UBE3C: variants seen among roughly 807,000 people sequenced by gnomAD.
UBE3C encodes ubiquitin protein ligase E3C.
UBE3C carries 42 observed loss-of-function variants against 129.4 expected under a neutral mutation model. That is an observed-to-expected ratio of 0.32 (90% CI 0.25 to 0.42). UBE3C has a LOEUF of 0.42. UBE3C is among the 10% of genes least tolerant of loss of function. The pLI is 1.00. For missense variants in UBE3C, 1,049 were observed against 1,319.1 expected (o/e 0.80, Z 3.17); for synonymous variants, 510 against 492.4 (o/e 1.04, Z -0.47).
Position 157,140,482 on chromosome 7 carries a change from G to A in UBE3C, c.66+1144G>A, listed in dbSNP as rs537106972. 1.8e-4 allele frequency among the ~76,000 whole-genome samples: 27 copies of A among 152,308 alleles called. 1 individual carries two copies. In the South Asian group the frequency reaches 5.6e-3, roughly 32 times the overall value. On this transcript the variant is annotated intron_variant, in intron 1 of 22. Coordinates refer to ENST00000348165, the MANE Select transcript of UBE3C (RefSeq NM_014671.3). Reference sequence around the variant, plus strand: ...CAGAACTAAGTACTGTGCAGTTAAGGGTGGTCGTGGTAGCACTTAGGGTCT... The same window carrying A: ...CAGAACTAAGTACTGTGCAGTTAAGAGTGGTCGTGGTAGCACTTAGGGTCT...
chr7:157,168,334 C>CA (rs34110466), intron 2 of UBE3C, among the ~76,000 whole-genome samples: 2,043 of 109,898 alleles, frequency 0.019, 17 homozygotes, highest in Middle Eastern at 0.057. Context: ...GACTCTGTCT[C>CA]AAAAAAAAAA....
chr7:157,248,599 G>T lies in UBE3C; in HGVS notation c.2694+19G>T. The T allele has an allele frequency of 8.7e-6, 14 of 1,610,974 alleles. No homozygotes were observed. Among genetic ancestry groups the T allele is most frequent in the Non-Finnish European group, 1.2e-5 (14 of 1,178,984 alleles). On this transcript the variant is annotated intron_variant, in intron 19 of 22. Coordinates refer to ENST00000348165, the MANE Select transcript of UBE3C (RefSeq NM_014671.3). ...GGCGCAGGTGAGGGGTCAGGAGGAG[G>T]ATTCACATACCTGTATAGCAAGTAG...
intron 5 of UBE3C, among the ~76,000 whole-genome samples, chr7:157,177,927 C>G (rs1251921540): frequency 7.2e-6 from 1 of 137,940 alleles, no homozygotes; most frequent in African/African-American, 2.9e-5. Context: ...CAGATGGATT[C>G]TGTTTTTTTT....
At chr7:157,159,814 C>CT (rs1808020493) in intron 1 of UBE3C, among the ~76,000 whole-genome samples, 7 of 152,300 alleles carry the variant, frequency 4.6e-5, no homozygotes, top group Admixed American at 4.6e-4. Context: ...GAGCGAGACT[C>CT]TGTCTCCAAA....
chr7:157,201,694 C>A (rs1370746743), intron 10 of UBE3C, 27 bp from the exon 11 acceptor site: 14 of 511,306 alleles, frequency 2.7e-5, no homozygotes, highest in Non-Finnish European at 4.0e-5. Context: ...CTTTACTGTT[C>A]TGTGTTTTTC....
chr7:157,220,754 C>T lies in UBE3C; in HGVS notation c.1980C>T (p.Gly660=), dbSNP rs1375459423. Residue 660 remains glycine (G), a synonymous_variant, in exon 15 of 23, where the codon GGC becomes GGT. Coordinates refer to ENST00000348165, the MANE Select transcript of UBE3C (RefSeq NM_014671.3). ...VWRFRRMGRI[G]PLQSTLDVGL... ...GGTTCCGGCGGATGGGGAGGATAGG[C>T]CCGCTGCAGTCCACCCTGGACGGTG... 1 of 1,614,078 alleles carries T rather than the reference C, an allele frequency of 6.2e-7. No individual in the cohort carries two copies. The highest frequency in any genetic ancestry group is 8.5e-7 in the Non-Finnish European group (1 of 1,179,972).
At chr7:157,148,955 T>C (rs1807682007) in intron 1 of UBE3C, among the ~76,000 whole-genome samples, 1 of 152,194 alleles carries the variant, frequency 6.6e-6, no homozygotes, top group African/African-American at 2.4e-5. Context: ...GGACTGGTAT[T>C]ATTTAGCAAC....
rs1338071938 is a variant in UBE3C at position 157,182,190 on chromosome 7, C to A, written c.853C>A (p.Leu285Ile). Residue 285 changes from leucine (L) to isoleucine (I), a missense_variant, in exon 8 of 23, where the codon CTT becomes ATT. By Grantham distance (5) the Leu-to-Ile change is conservative. Transcript: ENST00000348165. Reference sequence around the variant, plus strand: ...GATTTTTCATTTCATCATTCCGGCGCTTGCAGATGCGCAGACCGTTTTCCC... The same window carrying A: ...GATTTTTCATTTCATCATTCCGGCGATTGCAGATGCGCAGACCGTTTTCCC... ...DQIFHFIIPALADAQTVFPYE... is the reference protein window; with the variant it reads ...DQIFHFIIPAIADAQTVFPYE... 5.0e-6 allele frequency: 8 copies of A among 1,613,766 alleles called. No homozygotes were observed. The highest frequency in any genetic ancestry group is 2.5e-6 in the Non-Finnish European group (3 of 1,179,944).
rs149082361 is a variant in UBE3C, at chr7:157,231,267, G to A, written c.2421G>A (p.Gln807=). 6 of 1,614,060 alleles carry A rather than the reference G, an allele frequency of 3.7e-6. No homozygotes were observed. In the African/African-American group the frequency reaches 6.7e-5, roughly 18 times the overall value. ...EGLLYPNPAA[Q]MLVGDSFARH... ...TTCTGTACCCCAACCCGGCTGCTCA[G>A]ATGCTTGTGGGAGATTCTTTTGCCA... The change falls in exon 18 of 23, where the codon CAG becomes CAA. Residue 807 remains glutamine, a synonymous_variant. Transcript: ENST00000348165.
intron 11 of UBE3C, 128 bp downstream of exon 11, chr7:157,201,935 T>A (rs1563054016): frequency 1.4e-6 from 1 of 718,836 alleles, no homozygotes; most frequent in Non-Finnish European, 2.3e-6. Context: ...GAAGGTAAGT[T>A]CCAGATGGTC....
chr7:157,229,335 A>T lies in UBE3C; in HGVS notation c.2234-1745A>T, dbSNP rs572875044. ...GATTTTTGTTTGTTTGTTTTTTGAA[A>T]TGGAACTTCTCTCTTGTTGCCCAGG... On this transcript the variant is annotated intron_variant, in intron 17 of 22. Transcript: ENST00000348165. Among the ~76,000 whole-genome samples, 7 of 152,192 alleles carry T rather than the reference A, an allele frequency of 4.6e-5. No individual in the cohort carries two copies. The South Asian group carries it at 1.2e-3, about 27-fold the overall frequency.
At position 157,252,985 on chromosome 7, in the gene UBE3C, G is replaced by A. The variant is rs535893646; in HGVS notation, c.2695-969G>A. ...GGGCTTAAGGGATCCTCTTGCCTTG[G>A]CCTCCCACAGTGCTGGGATTAGAGG... On this transcript the variant is annotated intron_variant, in intron 19 of 22. Transcript: ENST00000348165. Among the ~76,000 whole-genome samples the A allele has an allele frequency of 1.8e-4, 27 of 152,198 alleles. 1 individual carries two copies. The South Asian group carries it at 5.6e-3, about 32-fold the overall frequency.
chr7:157,265,077 A>G (rs890624150), intron 22 of UBE3C, among the ~76,000 whole-genome samples: 2 of 152,232 alleles, frequency 1.3e-5, no homozygotes, highest in Non-Finnish European at 2.9e-5. Flanking sequence ...TGATGCTGTG[A>G]ACCTCTTGTG....
intron 1 of UBE3C, among the ~76,000 whole-genome samples, chr7:157,155,275 G>T (rs1807871336): frequency 6.6e-6 from 1 of 151,954 alleles, no homozygotes; most frequent in African/African-American, 2.4e-5. Context: ...AATGTTCTTT[G>T]AAGTGTATAA....
chr7:157,170,780 A>T (rs1454266127), intron 4 of UBE3C, among the ~76,000 whole-genome samples: 1 of 152,214 alleles, frequency 6.6e-6, no homozygotes, highest in Admixed American at 6.5e-5. Context: ...GGTCAGTGGG[A>T]CGTGCACCCT....
At chr7:157,244,449 T>C (rs2116670979) in intron 18 of UBE3C, among the ~76,000 whole-genome samples, 1 of 152,366 alleles carries the variant, frequency 6.6e-6, no homozygotes, top group East Asian at 1.9e-4. Flanking sequence ...GTTAATATGA[T>C]ATGAAATAAT....
chr7:157,197,984 T>A (rs1178000301), intron 10 of UBE3C: 3 of 1,609,444 alleles, frequency 1.9e-6, no homozygotes, highest in Admixed American at 3.3e-5. Context: ...GTTTTATGTA[T>A]TCTTGATCCT....
intron 14 of UBE3C, among the ~76,000 whole-genome samples, chr7:157,220,217 T>C (rs190516118): frequency 6.6e-6 from 1 of 151,228 alleles, no homozygotes; most frequent in African/African-American, 2.4e-5. Context: ...TATCAAAAAA[T>C]AAAAAATTGT....
intron 18 of UBE3C, among the ~76,000 whole-genome samples, chr7:157,235,186 TCTCAAATTAAAAAAAAGAAAAGA>T (rs1796124168): frequency 6.6e-6 from 1 of 152,056 alleles, no homozygotes; most frequent in African/African-American, 2.4e-5. Flanking sequence ...CAAAACTCTG[TCTCAAATTAAAAAAAAGAAAAGA>T]AAAGAAAATC....
Sources: allele counts gnomAD v4.1 joint callset (sites outside exome capture counted in the v4.1 genomes callset), GRCh38; gene constraint gnomAD v4.1.1; transcripts MANE v1.5; gene names NCBI Gene and HGNC (gene_info 2026-07-23, HGNC 2026-07-21).